The following LRP6 variants were observed in gnomAD, a reference collection of about 807,000 sequenced individuals.
The protein encoded by LRP6 is LDL receptor related protein 6, also known as low-density lipoprotein receptor-related protein 6.
LRP6 carries 43 observed loss-of-function variants against 184.1 expected under a neutral mutation model. The ratio of observed to expected loss-of-function variants is 0.23; its 90% CI spans 0.18 to 0.30. LRP6 has a LOEUF of 0.30. Among genes scored for constraint, LRP6 ranks in the 10% least tolerant of loss-of-function variants. The pLI is 1.00. For missense variants in LRP6, 1,571 were observed against 2,005.3 expected, an observed-to-expected ratio of 0.78 and a Z score of 4.14; for synonymous variants, 719 against 684.9, an observed-to-expected ratio of 1.05 and a Z score of -0.78.
chr12:12,243,961 A>C (rs150207871), intron 2 of LRP6, among the ~76,000 whole-genome samples: 2 of 152,144 alleles, frequency 1.3e-5, no homozygotes, highest in African/African-American at 4.8e-5. Flanking sequence ...GCGCACACCT[A>C]AAGTCCCAGC....
At chr12:12,141,964 T>C (rs987954971) in intron 15 of LRP6, among the ~76,000 whole-genome samples, 1 of 152,130 alleles carries the variant, frequency 6.6e-6, no homozygotes, top group African/African-American at 2.4e-5. Flanking sequence ...GGAAAGAAAA[T>C]TCACACGTGT....
At chr12:12,199,180 C>A (rs1161916847) in intron 3 of LRP6, among the ~76,000 whole-genome samples, 5 of 151,618 alleles carry the variant, frequency 3.3e-5, no homozygotes, top group Non-Finnish European at 7.4e-5. Context: ...GTTATATACA[C>A]TGAATTGAAC....
chr12:12,212,163 T>C (rs1477962648), intron 2 of LRP6, among the ~76,000 whole-genome samples: 1 of 152,186 alleles, frequency 6.6e-6, no homozygotes, highest in Non-Finnish European at 1.5e-5. Flanking sequence ...ACAAGGACTT[T>C]GTTTTATTTT....
At chr12:12,208,836 T>C (rs1475645891) in intron 2 of LRP6, among the ~76,000 whole-genome samples, 1 of 152,220 alleles carries the variant, frequency 6.6e-6, no homozygotes, top group African/African-American at 2.4e-5. Flanking sequence ...TTTGTGTGCC[T>C]ATGTCTATTA....
chr12:12,199,908 G>A (rs1284801266), intron 3 of LRP6, among the ~76,000 whole-genome samples: 1 of 132,988 alleles, frequency 7.5e-6, no homozygotes. Context: ...AGGTTGCAGT[G>A]AGCTTGAGAT....
At chr12:12,157,354 G>T (rs1299961551) in intron 12 of LRP6, among the ~76,000 whole-genome samples, 1 of 151,808 alleles carries the variant, frequency 6.6e-6, no homozygotes, top group African/African-American at 2.4e-5. Context: ...CCATTGTCCA[G>T]GTCTACCTGC....
At chr12:12,122,296 C>T (rs1949616527) in intron 22 of LRP6, among the ~76,000 whole-genome samples, 1 of 152,204 alleles carries the variant, frequency 6.6e-6, no homozygotes, top group Non-Finnish European at 1.5e-5. Context: ...CTATTTTTAA[C>T]TTCTTATACC....
intron 7 of LRP6, among the ~76,000 whole-genome samples, chr12:12,170,202 A>G (rs577757889): frequency 6.6e-6 from 1 of 152,108 alleles, no homozygotes; most frequent in South Asian, 2.1e-4. Flanking sequence ...AGGTGTGGAG[A>G]TGCACACCTG....
At chr12:12,150,424 C>T (rs1950066072) in intron 13 of LRP6, among the ~76,000 whole-genome samples, 1 of 152,054 alleles carries the variant, frequency 6.6e-6, no homozygotes, top group Non-Finnish European at 1.5e-5. Flanking sequence ...TGTTACATAA[C>T]ACATAAGAGC....
chr12:12,126,701 T>A lies in LRP6; in HGVS notation c.4302A>T (p.Gly1434=). Residue 1434 remains glycine (G), a synonymous_variant, in exon 20 of 23, where the codon GGA becomes GGT. Coordinates refer to ENST00000261349, the MANE Select transcript of LRP6 (RefSeq NM_002336.3). ...TCCATCCTGACTCACCTGGAAGAGA[T>A]CCTGACAAAGAACTTGGGTGTGGCA... The part of the protein sequence containing the change: ...GYVPHPSSLS[G]SLPGMSRGKS... 6.2e-7 allele frequency: 1 copy of A among 1,613,886 alleles called. No homozygotes were observed. The highest frequency in any genetic ancestry group is 8.5e-7 in the Non-Finnish European group (1 of 1,179,854).
rs73055386 is a variant in LRP6 at position 12,176,371 on chromosome 12, G to A, written c.1545+3439C>T. ...GGTGGCCACTATCACCTGACAAGTA[G>A]GGAAAACAGACATACCCTCACATAT... On this transcript the variant is annotated intron_variant, in intron 7 of 22. Coordinates refer to ENST00000261349, the MANE Select transcript of LRP6 (RefSeq NM_002336.3). Among the ~76,000 whole-genome samples the A allele has an allele frequency of 6.2e-3, 944 of 152,252 alleles. 3 individuals carry two copies. The highest frequency in any genetic ancestry group is 0.011 in the Non-Finnish European group (726 of 68,006).
At chr12:12,202,296 A>G (rs1369036714) in intron 3 of LRP6, among the ~76,000 whole-genome samples, 5 of 152,244 alleles carry the variant, frequency 3.3e-5, no homozygotes, top group Admixed American at 2.0e-4. Context: ...TAATTCTAGC[A>G]CTTTCGGAGG....
rs370798634 is a variant in LRP6, at chr12:12,121,425, T to C, written c.4548-5A>G. 14 of 1,613,508 alleles carry C rather than the reference T, an allele frequency of 8.7e-6. No homozygotes were observed. Among genetic ancestry groups the C allele is most frequent in the Admixed American group, 3.3e-5 (2 of 59,994 alleles). On this transcript the variant is annotated splice_region_variant and splice_polypyrimidine_tract_variant and intron_variant, in intron 22 of 22. Coordinates refer to ENST00000261349, the MANE Select transcript of LRP6 (RefSeq NM_002336.3). ...CGGTAGCTATATGGCCTGTAGCTGG[T>C]ATAGGGAGAAAATAAAGAGAAGCAG...
chr12:12,258,464 C>G (rs1326769878), intron 1 of LRP6, among the ~76,000 whole-genome samples: 1 of 152,074 alleles, frequency 6.6e-6, no homozygotes, highest in East Asian at 1.9e-4. Context: ...ACGATTGAGT[C>G]AAAACACAAA....
At chr12:12,236,213 CA>C (rs1411920710) in intron 2 of LRP6, among the ~76,000 whole-genome samples, 6 of 152,030 alleles carry the variant, frequency 3.9e-5, no homozygotes, top group Admixed American at 1.3e-4. Flanking sequence ...GGCGACAGAG[CA>C]AAACTCCGTC....
At chr12:12,146,154 C>T (rs1489763479) in intron 15 of LRP6, among the ~76,000 whole-genome samples, 1 of 152,174 alleles carries the variant, frequency 6.6e-6, no homozygotes. Context: ...AGGACTATCA[C>T]AAATAATGCT....
chr12:12,121,384 G>T lies in LRP6; in HGVS notation c.4584C>A (p.Pro1528=), dbSNP rs145639537. 4.9e-4 allele frequency: 794 copies of T among 1,613,958 alleles called. 3 individuals are homozygous for T. The highest frequency in any genetic ancestry group is 8.2e-4 in the Middle Eastern group (5 of 6,084). ...RPYSYRHFAP[P]TTPCSTDVCD... ...AAACATCTGTGCTGCAGGGTGTGGT[G>T]GGGGGTGCAAAGTGCCGGTAGCTAT... The change falls in exon 23 of 23, where the codon CCC becomes CCA. Residue 1528 remains proline (P), a synonymous_variant. Transcript: ENST00000261349.
chr12:12,193,633 T>C (rs570974127), intron 3 of LRP6, among the ~76,000 whole-genome samples: 2 of 152,138 alleles, frequency 1.3e-5, no homozygotes, highest in Admixed American at 6.5e-5. Context: ...GACAAATTTA[T>C]GAAACAAAAA....
chr12:12,231,180 CAAAAAAAAAAAAA>C (rs10661340), intron 2 of LRP6, among the ~76,000 whole-genome samples: 18 of 23,568 alleles, frequency 7.6e-4, no homozygotes, highest in East Asian at 2.7e-3. Flanking sequence ...GACTCCATCT[CAAAAAAAAAAAAA>C]AAAAAAAAAA....
Sources: allele counts gnomAD v4.1 joint callset (sites outside exome capture counted in the v4.1 genomes callset), GRCh38; gene constraint gnomAD v4.1.1; transcripts MANE v1.5; gene names NCBI Gene and HGNC (gene_info 2026-07-23, HGNC 2026-07-21).